The following HECTD4 variants were observed in gnomAD, a reference collection of about 807,000 sequenced individuals.
HECTD4 encodes probable E3 ubiquitin-protein ligase HECTD4.
In HECTD4, 114 loss-of-function variants were observed where a neutral mutation model predicts 471.5. That is an observed-to-expected ratio of 0.24 (90% CI 0.21 to 0.28). HECTD4 has a LOEUF of 0.28. Ranked by LOEUF, HECTD4 falls within the 10% of genes least tolerant of loss-of-function variation. The pLI is 1.00. For missense variants in HECTD4, 3,866 were observed against 5,651.5 expected (o/e 0.68, Z 10.13); for synonymous variants, 2,012 against 2,256.0 (o/e 0.89, Z 3.07).
intron 39 of HECTD4, 122 bp from the exon 40 acceptor site, chr12:112,230,944 A>G: frequency 1.2e-6 from 1 of 860,096 alleles, no homozygotes; most frequent in African/African-American, 1.7e-5. Flanking sequence ...AGTGGATTCC[A>G]TTGACCGAGA....
intron 55 of HECTD4, among the ~76,000 whole-genome samples, chr12:112,197,667 T>A (rs895259296): frequency 2.6e-5 from 4 of 152,238 alleles, no homozygotes; most frequent in Admixed American, 1.3e-4. Flanking sequence ...CCTACACTTG[T>A]AAGTTGATTG....
chr12:112,328,054 T>C (rs925246873), intron 1 of HECTD4, among the ~76,000 whole-genome samples: 1 of 152,208 alleles, frequency 6.6e-6, no homozygotes, highest in Non-Finnish European at 1.5e-5. Flanking sequence ...AAGGAATTTA[T>C]ACTTGGATTA....
At chr12:112,304,867 G>A (rs1381284638) in intron 7 of HECTD4, among the ~76,000 whole-genome samples, 1 of 152,098 alleles carries the variant, frequency 6.6e-6, no homozygotes, top group African/African-American at 2.4e-5. Flanking sequence ...CTGCTGGGTT[G>A]GATGACTGGC....
intron 24 of HECTD4, 102 bp from the exon 25 acceptor site, chr12:112,250,479 C>T: frequency 1.2e-6 from 1 of 820,522 alleles, no homozygotes; most frequent in Admixed American, 2.4e-5. Context: ...GGATCACATT[C>T]TGTGTTAAGT....
rs1385076410 is a variant in HECTD4 at position 112,367,837 on chromosome 12, A to AC, written c.177+14114_177+14115insG. ...CTCCATCTCAAAAAAAAAAAAAAAA[A>AC]AAAAAAAAAAACGCTAACACGTCAT... is the stretch of plus-strand genomic sequence containing the variant. On this transcript the variant is annotated intron_variant, in intron 1 of 75. Coordinates refer to ENST00000682272, the MANE Select transcript of HECTD4 (RefSeq NM_001388303.1). Among the ~76,000 whole-genome samples, 92 of 149,882 alleles carry AC rather than the reference A, an allele frequency of 6.1e-4. 1 individual carries two copies. Among genetic ancestry groups the AC allele is most frequent in the African/African-American group, 2.2e-3 (92 of 40,968 alleles).
chr12:112,243,765 C>G lies in HECTD4; in HGVS notation c.4650-4G>C. ...GTGGCTGGTCACGTGGCGACGCCTACGGGGAACACAGAACAGACTGGCAAG... is the reference window on the plus strand; with the variant it reads ...GTGGCTGGTCACGTGGCGACGCCTAGGGGGAACACAGAACAGACTGGCAAG... On this transcript the variant is annotated splice_polypyrimidine_tract_variant and splice_region_variant and intron_variant, in intron 30 of 75. Transcript: ENST00000682272. This position sits in a 1 kb window ranked among gnomAD's most constrained non-coding sequence, Gnocchi z 6.6. 6.2e-7 allele frequency: 1 copy of G among 1,612,746 alleles called. No homozygotes were observed. Among genetic ancestry groups the G allele is most frequent in the Middle Eastern group, 1.7e-4 (1 of 6,058 alleles).
At chr12:112,264,048 G>A (rs377413421) in intron 17 of HECTD4, 36 bp downstream of exon 17, 34 of 1,592,906 alleles carry the variant, frequency 2.1e-5, no homozygotes, top group Non-Finnish European at 2.8e-5. Context: ...TTCACACTGG[G>A]TAGAACGCAT....
intron 60 of HECTD4, among the ~76,000 whole-genome samples, chr12:112,190,141 G>A (rs2032030876): frequency 6.6e-6 from 1 of 152,178 alleles, no homozygotes; most frequent in African/African-American, 2.4e-5. Context: ...AAACACCTGT[G>A]CACTTACCAG....
chr12:112,294,458 T>C (rs2034960870), intron 7 of HECTD4, among the ~76,000 whole-genome samples: 1 of 152,186 alleles, frequency 6.6e-6, no homozygotes, highest in African/African-American at 2.4e-5. Flanking sequence ...CATTTGTGAA[T>C]TTAGAAACAG....
chr12:112,377,550 G>T (rs1429144003), intron 1 of HECTD4, among the ~76,000 whole-genome samples: 1 of 152,152 alleles, frequency 6.6e-6, no homozygotes, highest in Non-Finnish European at 1.5e-5. Flanking sequence ...ATTATTTATT[G>T]CTTTAAAAAA....
chr12:112,351,204 T>C (rs1255043582), intron 1 of HECTD4, among the ~76,000 whole-genome samples: 1 of 152,200 alleles, frequency 6.6e-6, no homozygotes, highest in East Asian at 1.9e-4. Flanking sequence ...GCTTTATCAA[T>C]GTTTTCAAAG....
chr12:112,208,050 C>T, intron 51 of HECTD4, 50 bp from the exon 52 acceptor site: 1 of 1,586,058 alleles, frequency 6.3e-7, no homozygotes. Flanking sequence ...CTGGTGCAGG[C>T]ATCACTGTTT....
chr12:112,269,400 C>T (rs1359226900), intron 13 of HECTD4, among the ~76,000 whole-genome samples: 1 of 152,206 alleles, frequency 6.6e-6, no homozygotes. Context: ...CACCCTGCCA[C>T]ACTCTGCAAA....
At chr12:112,210,866 C>A (rs570475916) in intron 49 of HECTD4, among the ~76,000 whole-genome samples, 42 of 152,312 alleles carry the variant, frequency 2.8e-4, no homozygotes, top group South Asian at 1.2e-3. Flanking sequence ...ATATCCAGAG[C>A]TCAGCATAGT....
chr12:112,182,139 A>G (rs1402135848), intron 62 of HECTD4, among the ~76,000 whole-genome samples: 1 of 151,830 alleles, frequency 6.6e-6, no homozygotes, highest in Non-Finnish European at 1.5e-5. Context: ...ATAGAACAAC[A>G]TAGCAACTCT....
rs1210979414 is a variant in HECTD4 at position 112,244,925 on chromosome 12, T to C, written c.4514-916A>G. Among the ~76,000 whole-genome samples, 5 of 152,224 alleles carry C rather than the reference T, an allele frequency of 3.3e-5. No individual in the cohort carries two copies. In the East Asian group the frequency reaches 7.7e-4, roughly 23 times the overall value. On this transcript the variant is annotated intron_variant, in intron 29 of 75. Coordinates refer to ENST00000682272, the MANE Select transcript of HECTD4 (RefSeq NM_001388303.1). ...TTAAATGGAAGAAGATAAAACTATA[T>C]GTCATGAGTAGCTAAGAAAAAAAGA...
chr12:112,261,314 C>G lies in HECTD4; in HGVS notation c.2864G>C (p.Arg955Pro). The G allele has an allele frequency of 6.3e-7, 1 of 1,595,672 alleles. No homozygotes were observed. The highest frequency in any genetic ancestry group is 1.1e-5 in the South Asian group (1 of 89,900). The stretch of plus-strand genomic sequence containing the variant: ...ACAATCCATTCCTCACCTCTGCTCA[C>G]GGTCTGCTATGTCACTATTTATGAG... ...TALINSDIAD[R>P]EQRLKGLEQV... Residue 955 changes from arginine (R) to proline (P), a missense_variant, in exon 18 of 76, where the codon CGT becomes CCT. By Grantham distance (103) the Arg-to-Pro change is moderately radical. This residue lies in a region of HECTD4 where 525 missense variants were observed against 672.6 expected (regional missense o/e 0.78). Coordinates refer to ENST00000682272, the MANE Select transcript of HECTD4 (RefSeq NM_001388303.1).
chr12:112,348,070 C>G (rs909697254), intron 1 of HECTD4, among the ~76,000 whole-genome samples: 2 of 152,136 alleles, frequency 1.3e-5, no homozygotes, highest in Non-Finnish European at 2.9e-5. Context: ...CTTTTATAAT[C>G]TGAACATTTT....
At position 112,212,528 on chromosome 12, in the gene HECTD4, C is replaced by T. The variant is rs751810732; in HGVS notation, c.7588G>A (p.Val2530Ile). The T allele has an allele frequency of 3.1e-6, 5 of 1,613,788 alleles. No homozygotes were observed. Among genetic ancestry groups the T allele is most frequent in the South Asian group, 1.1e-5 (1 of 91,052 alleles). ...GQRLSPYLED[V>I]SGGMWPVVHI... ...ACCACTGGCCACATGCCACCAGAGA[C>T]GTCTTCAAGATATGGTGAGAGGCGC... Residue 2530 changes from valine to isoleucine, a missense_variant, in exon 49 of 76, where the codon GTC becomes ATC. Around this residue, in one of 16 missense-constraint regions of HECTD4, gnomAD observed 617 missense variants for 915.1 expected, o/e 0.67. Coordinates refer to ENST00000682272, the MANE Select transcript of HECTD4 (RefSeq NM_001388303.1).
Sources: gnomAD v4.1 joint callset for allele counts (sites outside exome capture counted in the v4.1 genomes callset) on GRCh38, gnomAD v4.1.1 for gene constraint, gnomAD v4.1.1 regional missense constraint, Gnocchi (gnomAD v3.1) non-coding constraint, MANE v1.5 for transcripts, NCBI Gene and HGNC (gene_info 2026-07-23, HGNC 2026-07-21) for gene names.